Variants in TADA2B observed in about 807,000 individuals in gnomAD.
TADA2B encodes the protein transcriptional adapter 2-beta.
In TADA2B, 13 loss-of-function variants were observed where a neutral mutation model predicts 34.5. The observed-to-expected ratio is 0.38, with a 90% CI of 0.25 to 0.60. The LOEUF is 0.60. Among genes scored for constraint, TADA2B ranks in the 20% least tolerant of loss-of-function variants. The pLI, the probability that TADA2B is intolerant of heterozygous loss-of-function variation, is 0.65. For missense variants in TADA2B, 442 were observed against 575.0 expected (o/e 0.77, Z 2.37); for synonymous variants, 240 against 243.4 (o/e 0.99, Z 0.13).
Position 7,051,742 on chromosome 4 carries a change from C to G in TADA2B, c.271-2320C>G, listed in dbSNP as rs944435944. On this transcript the variant is annotated intron_variant, in intron 1 of 1. Coordinates refer to ENST00000310074, the MANE Select transcript of TADA2B (RefSeq NM_152293.3). ...CCTCCCGAGTAGCTGGGACTACAGGCGCCCGCCACCACGCCTGGCTAATTT... is the reference window on the plus strand; with the variant it reads ...CCTCCCGAGTAGCTGGGACTACAGGGGCCCGCCACCACGCCTGGCTAATTT... Among the ~76,000 whole-genome samples, 5 of 152,208 alleles carry G rather than the reference C, an allele frequency of 3.3e-5. No individual in the cohort carries two copies. The East Asian group carries it at 7.7e-4, about 24-fold the overall frequency.
intron 1 of TADA2B, among the ~76,000 whole-genome samples, chr4:7,050,820 G>A (rs139848616): frequency 5.1e-4 from 78 of 152,338 alleles, no homozygotes; most frequent in Middle Eastern, 3.4e-3. Context: ...TCACAACATC[G>A]GGAAGCGGCT....
chr4:7,046,442 A>G (rs1303296272), intron 1 of TADA2B, among the ~76,000 whole-genome samples: 4 of 152,152 alleles, frequency 2.6e-5, no homozygotes, highest in Non-Finnish European at 5.9e-5. Flanking sequence ...TTATTCTTAC[A>G]GTTGAAGAAC....
intron 1 of TADA2B, among the ~76,000 whole-genome samples, chr4:7,049,909 G>A (rs1413119093): frequency 6.6e-6 from 1 of 152,236 alleles, no homozygotes; most frequent in Non-Finnish European, 1.5e-5. Flanking sequence ...CCTAGTTGTT[G>A]GCCCAGTGTC....
chr4:7,057,443 A>ATATT lies in TADA2B; in HGVS notation c.*2392_*2395dup, dbSNP rs988254474. The ATATT allele has an allele frequency of 6.6e-6, 1 of 152,228 alleles. No homozygotes were observed. The highest frequency in any genetic ancestry group is 2.4e-5 in the African/African-American group (1 of 41,462). 9.4% of individuals were successfully genotyped at this position (152,228 alleles called of 1,614,324 possible). ...GGCAGCTCAGAGCCTCCACATTTTT[A>ATATT]TATTTAATTCTCATGATAAATTAGC... On this transcript the variant is annotated 3_prime_UTR_variant, in exon 2 of 2. Transcript: ENST00000310074.
chr4:7,054,766 C>T lies in TADA2B; in HGVS notation c.975C>T (p.Ala325=), dbSNP rs777627029. ...REKRKENKNL[A]GSKRGKEDGK... is the part of the protein sequence containing the mutation. Reference sequence around the variant, plus strand: ...AGAGGAAGGAGAACAAAAACCTAGCCGGCTCCAAACGGGGAAAGGAGGACG... The same window carrying T: ...AGAGGAAGGAGAACAAAAACCTAGCTGGCTCCAAACGGGGAAAGGAGGACG... The change falls in exon 2 of 2, where the codon GCC becomes GCT. Residue 325 remains alanine (A), a synonymous_variant. Transcript: ENST00000310074. 3.1e-6 allele frequency: 5 copies of T among 1,613,914 alleles called. No individual in the cohort carries two copies. The highest frequency in any genetic ancestry group is 4.5e-5 in the East Asian group (2 of 44,882).
Position 7,055,885 on chromosome 4 carries a change from A to C in TADA2B, c.*831A>C, listed in dbSNP as rs1723878774. On this transcript the variant is annotated 3_prime_UTR_variant, in exon 2 of 2. Transcript: ENST00000310074. ...CACGTGTGGACCGCCAGGCCCTCTC[A>C]GTCCATTTTCCGGGGCTGCTCGGTG... The C allele has an allele frequency of 6.6e-6, 1 of 152,238 alleles. No homozygotes were observed. The highest frequency in any genetic ancestry group is 1.5e-5 in the Non-Finnish European group (1 of 68,066). 9.4% of individuals were successfully genotyped at this position (152,238 alleles called of 1,614,324 possible).
At chr4:7,052,231 G>A (rs540698688) in intron 1 of TADA2B, among the ~76,000 whole-genome samples, 4 of 152,388 alleles carry the variant, frequency 2.6e-5, no homozygotes, top group South Asian at 2.1e-4. Context: ...TGCCCCTGCC[G>A]CCCGCCTGCG....
chr4:7,046,645 G>C (rs1577214908), intron 1 of TADA2B, among the ~76,000 whole-genome samples: 1 of 152,346 alleles, frequency 6.6e-6, no homozygotes. Context: ...GGCTTGACCT[G>C]ATTCACTGGA....
intron 1 of TADA2B, among the ~76,000 whole-genome samples, chr4:7,046,407 C>T (rs4689581): frequency 0.57 from 86,346 of 152,048 alleles, 25,064 homozygotes; most frequent in African/African-American, 0.68. Context: ...GTGGGATCTT[C>T]CTAGCAACCC....
chr4:7,050,498 G>A (rs1434020829), intron 1 of TADA2B, among the ~76,000 whole-genome samples: 1 of 152,260 alleles, frequency 6.6e-6, no homozygotes, highest in Non-Finnish European at 1.5e-5. Flanking sequence ...CCAAACCACC[G>A]GGAGAAGCCC....
chr4:7,055,957 C>T lies in TADA2B; in HGVS notation c.*903C>T, dbSNP rs1326326569. The T allele has an allele frequency of 6.6e-6, 1 of 152,252 alleles. No homozygotes were observed. The highest frequency in any genetic ancestry group is 1.5e-5 in the Non-Finnish European group (1 of 68,042). The allele number at this position is 152,252 out of a possible 1,614,324, so 9.4% of individuals were successfully genotyped here. A position where few individuals can be genotyped will look rare whatever the true frequency, so the allele number is the denominator to read the frequency against. On this transcript the variant is annotated 3_prime_UTR_variant, in exon 2 of 2. Transcript: ENST00000310074. ...ATTTCACTTGGAAGAACCCATTGTACAAAGTTCAAGGCTAAGAGTTCTGAA... is the reference window on the plus strand; with the variant it reads ...ATTTCACTTGGAAGAACCCATTGTATAAAGTTCAAGGCTAAGAGTTCTGAA...
Position 7,043,488 on chromosome 4 carries a change from C to A in TADA2B, c.-92C>A. On this transcript the variant is annotated 5_prime_UTR_variant, in exon 1 of 2. Transcript: ENST00000310074. ...GCGGGCGGCGGTTGCTCGTGCGCGG[C>A]GGCGGCGGCGGGTCCCGCGGGCGGC... 1 of 786,462 alleles carries A rather than the reference C, an allele frequency of 1.3e-6. No homozygotes were observed. Among genetic ancestry groups the A allele is most frequent in the Non-Finnish European group, 1.5e-6 (1 of 653,814 alleles). 48.7% of individuals were successfully genotyped at this position (786,462 alleles called of 1,614,324 possible).
intron 1 of TADA2B, among the ~76,000 whole-genome samples, chr4:7,047,081 C>T (rs1014214491): frequency 6.6e-6 from 1 of 152,086 alleles, no homozygotes; most frequent in Non-Finnish European, 1.5e-5. Context: ...CGGGGTCTGG[C>T]GTCTCTAGAA....
intron 1 of TADA2B, among the ~76,000 whole-genome samples, chr4:7,047,792 G>C (rs1280524680): frequency 6.6e-6 from 1 of 152,232 alleles, no homozygotes; most frequent in Non-Finnish European, 1.5e-5. Flanking sequence ...CCAGCTTGGG[G>C]TGAGGGAGGA....
intron 1 of TADA2B, among the ~76,000 whole-genome samples, chr4:7,051,761 C>A (rs1289982879): frequency 6.6e-6 from 1 of 152,108 alleles, no homozygotes; most frequent in African/African-American, 2.4e-5. Flanking sequence ...CCACGCCTGG[C>A]TAATTTTTTG....
chr4:7,052,517 C>T (rs1723794609), intron 1 of TADA2B, among the ~76,000 whole-genome samples: 1 of 152,230 alleles, frequency 6.6e-6, no homozygotes, highest in Non-Finnish European at 1.5e-5. Flanking sequence ...TTCGCGCTCG[C>T]TGTGTGGGGC....
intron 1 of TADA2B, chr4:7,053,000 C>T (rs1474617772): frequency 6.6e-6 from 1 of 152,288 alleles, no homozygotes. Context: ...ACACTTCTCT[C>T]CCAGACGCCA....
rs983948057 is a variant in TADA2B, at chr4:7,056,154, T to A, written c.*1100T>A. The A allele has an allele frequency of 6.5e-6, 1 of 152,680 alleles. No individual in the cohort carries two copies. Among genetic ancestry groups the A allele is most frequent in the East Asian group, 1.9e-4 (1 of 5,202 alleles). 9.5% of individuals were successfully genotyped at this position (152,680 alleles called of 1,614,324 possible). A position where few individuals can be genotyped will look rare whatever the true frequency, so the allele number is the denominator to read the frequency against. On this transcript the variant is annotated 3_prime_UTR_variant, in exon 2 of 2. Transcript: ENST00000310074. ...GTCTGACCAGTTGGCTGGCGGTGGT[T>A]CTGGTGGAGCACGAGGGAGCCCGGG...
intron 1 of TADA2B, among the ~76,000 whole-genome samples, chr4:7,047,048 G>A (rs1470889908): frequency 6.6e-6 from 1 of 152,156 alleles, no homozygotes; most frequent in East Asian, 1.9e-4. Flanking sequence ...GAGTTGGCAA[G>A]CAGTGGCCTA....
Sources: allele counts gnomAD v4.1 joint callset (sites outside exome capture counted in the v4.1 genomes callset), GRCh38; gene constraint gnomAD v4.1.1; transcripts MANE v1.5; gene names NCBI Gene and HGNC (gene_info 2026-07-23, HGNC 2026-07-21).